Variants in KCNQ1OT1 observed in about 807,000 individuals in gnomAD.
The protein encoded by KCNQ1OT1 is KCNQ1 opposite strand/antisense transcript 1.
chr11:2,657,994 G>C lies in KCNQ1OT1; in HGVS notation n.42001C>G. ...TGTCGGCCAGGCTCCTCCACTGTAAGTGAATAGCTGTTTTTCCCTTTCCAT... is the reference window on the plus strand; with the variant it reads ...TGTCGGCCAGGCTCCTCCACTGTAACTGAATAGCTGTTTTTCCCTTTCCAT... On this transcript the variant is annotated non_coding_transcript_exon_variant, in exon 1 of 1. Coordinates refer to ENST00000597346, the Ensembl canonical transcript of KCNQ1OT1. This position sits in a 1 kb window ranked among gnomAD's most constrained non-coding sequence, Gnocchi z 4.8. 2.5e-6 allele frequency: 1 copy of C among 398,588 alleles called. No individual in the cohort carries two copies. Among genetic ancestry groups the C allele is most frequent in the Non-Finnish European group, 4.4e-6 (1 of 226,058 alleles). 24.7% of individuals were successfully genotyped at this position (398,588 alleles called of 1,614,324 possible).
exon 1 of KCNQ1OT1, chr11:2,640,316 G>A (rs1849553545): frequency 5.0e-6 from 2 of 398,212 alleles, no homozygotes; most frequent in Admixed American, 4.4e-5. Context: ...GGGAGCTATA[G>A]ACTGGAGCTC....
At chr11:2,619,965 C>T (rs1229485194) in exon 1 of KCNQ1OT1, 1 of 281,780 alleles carries the variant, frequency 3.5e-6, no homozygotes, top group African/African-American at 4.0e-5. Flanking sequence ...AAGCCTATCA[C>T]CCAGGTAGTG....
chr11:2,615,612 G>C (rs1278152197), exon 1 of KCNQ1OT1: 1 of 397,828 alleles, frequency 2.5e-6, no homozygotes, highest in Non-Finnish European at 4.4e-6. Flanking sequence ...TTTGTCAAAT[G>C]CTTGTTCTGA....
chr11:2,659,630 G>T lies in KCNQ1OT1; in HGVS notation n.40365C>A. The T allele has an allele frequency of 2.5e-6, 1 of 398,522 alleles. No individual in the cohort carries two copies. The highest frequency in any genetic ancestry group is 4.4e-5 in the Admixed American group (1 of 22,734). 24.7% of individuals were successfully genotyped at this position (398,522 alleles called of 1,614,324 possible). ...ACTTGGGTGGGAAAGGAACCGATAG[G>T]TCATGTGGTATGTGTATGTTTAACT... On this transcript the variant is annotated non_coding_transcript_exon_variant, in exon 1 of 1. Coordinates refer to ENST00000597346, the Ensembl canonical transcript of KCNQ1OT1. This position sits in a 1 kb window ranked among gnomAD's most constrained non-coding sequence, Gnocchi z 4.3.
At chr11:2,699,573 G>A in exon 1 of KCNQ1OT1, 1 of 329,934 alleles carries the variant, frequency 3.0e-6, no homozygotes, top group Non-Finnish European at 5.3e-6. Flanking sequence ...CCATGCTGAG[G>A]AGCCCCCGGG....
rs1383035176 is a variant in KCNQ1OT1, at chr11:2,620,211, A to ATATATAT, written n.79783_79784insATATATA. The ATATATAT allele has an allele frequency of 4.0e-4, 106 of 261,952 alleles. No homozygotes were observed. Among genetic ancestry groups the ATATATAT allele is most frequent in the African/African-American group, 7.1e-4 (27 of 38,116 alleles). The allele number at this position is 261,952 out of a possible 1,614,324, so 16.2% of individuals were successfully genotyped here. A position where few individuals can be genotyped will look rare whatever the true frequency, so the allele number is the denominator to read the frequency against. On this transcript the variant is annotated non_coding_transcript_exon_variant, in exon 1 of 1. Transcript: ENST00000597346. The surrounding 1 kb of genome is among the most constrained non-coding windows in gnomAD (Gnocchi z 4.5). Reference sequence around the variant, plus strand: ...TAAGTTCATTCATGTATATATATATATTTTTTTTTTTTATTTTTTTTTTAG... The same window carrying ATATATAT: ...TAAGTTCATTCATGTATATATATATATATATATTTTTTTTTTTTTATTTTTTTTTTAG...
chr11:2,664,882 A>G lies in KCNQ1OT1; in HGVS notation n.35113T>C. ...TCCAGAATTCAAATTAAAAACATAA[A>G]TAAAGACACATTTTGTTTCCATCTC... On this transcript the variant is annotated non_coding_transcript_exon_variant, in exon 1 of 1. Coordinates refer to ENST00000597346, the Ensembl canonical transcript of KCNQ1OT1. The surrounding 1 kb of genome is among the most constrained non-coding windows in gnomAD (Gnocchi z 5.1). The G allele has an allele frequency of 2.5e-6, 1 of 398,678 alleles. No homozygotes were observed. The highest frequency in any genetic ancestry group is 4.4e-6 in the Non-Finnish European group (1 of 226,088). The allele number at this position is 398,678 out of a possible 1,614,324, so 24.7% of individuals were successfully genotyped here. A position where few individuals can be genotyped will look rare whatever the true frequency, so the allele number is the denominator to read the frequency against.
rs1376218076 is a variant in KCNQ1OT1, at chr11:2,679,421, C to T, written n.20574G>A. On this transcript the variant is annotated non_coding_transcript_exon_variant, in exon 1 of 1. Transcript: ENST00000597346. The surrounding 1 kb of genome is among the most constrained non-coding windows in gnomAD (Gnocchi z 4.8). The stretch of plus-strand genomic sequence containing the variant: ...AAATGGGAATCATAAGAGTACCTTC[C>T]TCAGAGGGTTGTTAGGAGGATTACA... 2.5e-6 allele frequency: 1 copy of T among 398,464 alleles called. No individual in the cohort carries two copies. Among genetic ancestry groups the T allele is most frequent in the Admixed American group, 4.4e-5 (1 of 22,704 alleles). The allele number at this position is 398,464 out of a possible 1,614,324, so 24.7% of individuals were successfully genotyped here.
rs1208022161 is a variant in KCNQ1OT1 at position 2,659,180 on chromosome 11, G to C, written n.40815C>G. On this transcript the variant is annotated non_coding_transcript_exon_variant, in exon 1 of 1. Coordinates refer to ENST00000597346, the Ensembl canonical transcript of KCNQ1OT1. This position sits in a 1 kb window ranked among gnomAD's most constrained non-coding sequence, Gnocchi z 4.3. The stretch of plus-strand genomic sequence containing the variant: ...TTCTGTGGGTTTTGACAGATGTCTG[G>C]AGTCATGTGTCCACAATCCAGTATC... 2.5e-6 allele frequency: 1 copy of C among 398,440 alleles called. No individual in the cohort carries two copies. The highest frequency in any genetic ancestry group is 4.4e-6 in the Non-Finnish European group (1 of 226,050). 24.7% of individuals were successfully genotyped at this position (398,440 alleles called of 1,614,324 possible).
chr11:2,678,309 A>AT lies in KCNQ1OT1; in HGVS notation n.21685dup, dbSNP rs747401229. 7.5e-6 allele frequency: 3 copies of AT among 398,256 alleles called. No homozygotes were observed. The highest frequency in any genetic ancestry group is 3.6e-5 in the East Asian group (1 of 28,016). The allele number at this position is 398,256 out of a possible 1,614,324, so 24.7% of individuals were successfully genotyped here. A position where few individuals can be genotyped will look rare whatever the true frequency, so the allele number is the denominator to read the frequency against. On this transcript the variant is annotated non_coding_transcript_exon_variant, in exon 1 of 1. Transcript: ENST00000597346. The surrounding 1 kb of genome is among the most constrained non-coding windows in gnomAD (Gnocchi z 4.9). The stretch of plus-strand genomic sequence containing the variant: ...AAATTCTTCCATGTTTTCTTCTATC[A>AT]TTTTTTATTTCATTTTTTACATTTA...
rs1850567906 is a variant in KCNQ1OT1, at chr11:2,690,327, C to G, written n.9668G>C. 5.0e-6 allele frequency: 2 copies of G among 398,680 alleles called. No homozygotes were observed. The highest frequency in any genetic ancestry group is 7.1e-5 in the East Asian group (2 of 28,086). The allele number at this position is 398,680 out of a possible 1,614,324, so 24.7% of individuals were successfully genotyped here. ...GATTGTCACAAGGATTAAATGATGTCAAGTCTGAGGCTGCCCTGCAGCTGC... is the reference window on the plus strand; with the variant it reads ...GATTGTCACAAGGATTAAATGATGTGAAGTCTGAGGCTGCCCTGCAGCTGC... On this transcript the variant is annotated non_coding_transcript_exon_variant, in exon 1 of 1. Coordinates refer to ENST00000597346, the Ensembl canonical transcript of KCNQ1OT1. The surrounding 1 kb of genome is among the most constrained non-coding windows in gnomAD (Gnocchi z 5.1).
chr11:2,663,661 T>C lies in KCNQ1OT1; in HGVS notation n.36334A>G. ...AAGTCCTACTGGGAGGAGAGGGCCA[T>C]CACCCACAGTCCATCTAGCTGGGCA... On this transcript the variant is annotated non_coding_transcript_exon_variant, in exon 1 of 1. Transcript: ENST00000597346. The surrounding 1 kb of genome is among the most constrained non-coding windows in gnomAD (Gnocchi z 5.2). The C allele has an allele frequency of 2.5e-6, 1 of 398,670 alleles. No individual in the cohort carries two copies. Among genetic ancestry groups the C allele is most frequent in the African/African-American group, 2.1e-5 (1 of 48,758 alleles). 24.7% of individuals were successfully genotyped at this position (398,670 alleles called of 1,614,324 possible).
chr11:2,638,277 C>A (rs1849511456), exon 1 of KCNQ1OT1: 2 of 152,194 alleles, frequency 1.3e-5, no homozygotes, highest in African/African-American at 2.4e-5. Context: ...CATCTATGGT[C>A]TTTACAATTT....
exon 1 of KCNQ1OT1, chr11:2,633,877 A>T: frequency 2.5e-6 from 1 of 398,638 alleles, no homozygotes; most frequent in Non-Finnish European, 4.4e-6. Context: ...AATGTCAGTC[A>T]TCTGTATACA....
exon 1 of KCNQ1OT1, chr11:2,656,375 G>C (rs548734263): frequency 1.3e-5 from 5 of 398,456 alleles, no homozygotes; most frequent in Non-Finnish European, 1.8e-5. Context: ...GTCCTTCCCT[G>C]GTCTCTCTAA....
rs1849645122 is a variant in KCNQ1OT1 at position 2,645,016 on chromosome 11, C to A, written n.54979G>T. On this transcript the variant is annotated non_coding_transcript_exon_variant, in exon 1 of 1. Transcript: ENST00000597346. The surrounding 1 kb of genome is among the most constrained non-coding windows in gnomAD (Gnocchi z 5.8). ...ACCAGTGTTAGCAAGTCCAGGGAAA[C>A]CAATTTTGGGCCTCCAGGCAACTTG... 2 of 398,578 alleles carry A rather than the reference C, an allele frequency of 5.0e-6. No individual in the cohort carries two copies. Among genetic ancestry groups the A allele is most frequent in the South Asian group, 1.3e-4 (1 of 7,852 alleles). 24.7% of individuals were successfully genotyped at this position (398,578 alleles called of 1,614,324 possible).
chr11:2,666,101 C>A, exon 1 of KCNQ1OT1: 1 of 398,668 alleles, frequency 2.5e-6, no homozygotes, highest in South Asian at 1.3e-4. Flanking sequence ...CCAGCCCAGT[C>A]ATGTGGTTTC....
In KCNQ1OT1 at chr11:2,677,891, C is replaced by T; in HGVS notation, n.22104G>A. ...GCACAAATGCACTTTCTTCCCCCAC[C>T]CTTACCAAGTGTATACTCAGGTTTT... On this transcript the variant is annotated non_coding_transcript_exon_variant, in exon 1 of 1. Coordinates refer to ENST00000597346, the Ensembl canonical transcript of KCNQ1OT1. This position sits in a 1 kb window ranked among gnomAD's most constrained non-coding sequence, Gnocchi z 4.5. The T allele has an allele frequency of 5.0e-6, 2 of 398,544 alleles. No individual in the cohort carries two copies. Among genetic ancestry groups the T allele is most frequent in the Non-Finnish European group, 8.8e-6 (2 of 226,052 alleles). 24.7% of individuals were successfully genotyped at this position (398,544 alleles called of 1,614,324 possible). A position where few individuals can be genotyped will look rare whatever the true frequency, so the allele number is the denominator to read the frequency against.
In KCNQ1OT1 at chr11:2,620,505, C is replaced by T. The variant is rs73415358; in HGVS notation, n.79490G>A. On this transcript the variant is annotated non_coding_transcript_exon_variant, in exon 1 of 1. Transcript: ENST00000597346. This position sits in a 1 kb window ranked among gnomAD's most constrained non-coding sequence, Gnocchi z 4.5. ...TGCTGGGATTACAGGTGAGAGCTACCGCACCTGGCCGAATTCATTCATTTT... is the reference window on the plus strand; with the variant it reads ...TGCTGGGATTACAGGTGAGAGCTACTGCACCTGGCCGAATTCATTCATTTT... 10,875 of 374,282 alleles carry T rather than the reference C, an allele frequency of 0.029. 513 individuals are homozygous for T. The highest frequency in any genetic ancestry group is 0.12 in the African/African-American group (6,003 of 48,118). The allele number at this position is 374,282 out of a possible 1,614,324, so 23.2% of individuals were successfully genotyped here.
Sources: gnomAD v4.1 joint callset for allele counts on GRCh38, gnomAD v4.1.1 for gene constraint, Gnocchi (gnomAD v3.1) non-coding constraint, MANE v1.5 for transcripts, NCBI Gene and HGNC (gene_info 2026-07-23, HGNC 2026-07-21) for gene names.